IGSF11: variants seen among roughly 807,000 people sequenced by gnomAD.
IGSF11 encodes CXADR like 1.
In IGSF11, 22 loss-of-function variants were observed where a neutral mutation model predicts 41.0. That is an observed-to-expected ratio of 0.54 (90% confidence interval 0.38 to 0.77). IGSF11 has a LOEUF of 0.77. IGSF11 is among the 30% of genes least tolerant of loss of function. IGSF11 has a pLI of 0.00. For synonymous variants in IGSF11, 219 were observed against 201.3 expected, an observed-to-expected ratio of 1.09 and a Z score of -0.74; for missense variants, 444 against 530.8, an observed-to-expected ratio of 0.84 and a Z score of 1.61.
At chr3:119,004,703 C>A (rs936332717) in intron 1 of IGSF11, among the ~76,000 whole-genome samples, 1 of 147,956 alleles carries the variant, frequency 6.8e-6, no homozygotes, top group Non-Finnish European at 1.5e-5. Flanking sequence ...TTTATTTCTG[C>A]CTTCATTTCG....
At chr3:119,106,244 G>A (rs9833418), upstream of IGSF11, among the ~76,000 whole-genome samples, 148,912 of 152,300 alleles carry the variant, frequency 0.98, 72,889 homozygotes, top group East Asian at 1. Flanking sequence ...TTTTAAGGAT[G>A]CAATTAAATT....
intron 1 of IGSF11, among the ~76,000 whole-genome samples, chr3:119,130,521 C>T (rs1414962212): frequency 6.6e-6 from 1 of 152,204 alleles, no homozygotes; most frequent in Non-Finnish European, 1.5e-5. Context: ...ATCCACATTA[C>T]TGAGGCTTGA....
At chr3:119,141,384 C>G (rs2077646128) in intron 1 of IGSF11, among the ~76,000 whole-genome samples, 1 of 150,556 alleles carries the variant, frequency 6.6e-6, no homozygotes, top group Admixed American at 6.6e-5. Context: ...AAACTATACC[C>G]ACACCAAGCA....
chr3:119,138,554 A>G (rs2077595271), intron 1 of IGSF11, among the ~76,000 whole-genome samples: 1 of 152,144 alleles, frequency 6.6e-6, no homozygotes, highest in South Asian at 2.1e-4. Context: ...GCATGGTGGC[A>G]CATGCCTGTA....
intron 1 of IGSF11, among the ~76,000 whole-genome samples, chr3:119,048,556 T>G (rs1042507221): frequency 2.0e-5 from 3 of 152,146 alleles, no homozygotes; most frequent in Non-Finnish European, 4.4e-5. Flanking sequence ...ACAGCCTAAT[T>G]CTACCAGAGG....
intron 4 of IGSF11, among the ~76,000 whole-genome samples, chr3:118,922,756 A>G (rs949690573): frequency 1.3e-5 from 2 of 152,100 alleles, no homozygotes; most frequent in Admixed American, 6.6e-5. Flanking sequence ...TGGGAGCTCC[A>G]AGATTAAGAC....
chr3:119,064,530 T>G (rs1216291434), intron 1 of IGSF11, among the ~76,000 whole-genome samples: 1 of 150,038 alleles, frequency 6.7e-6, no homozygotes, highest in Non-Finnish European at 1.5e-5. Flanking sequence ...TTTTTTTTTT[T>G]TTTCCATGTG....
At chr3:119,142,229 C>T (rs1192700756) in intron 1 of IGSF11, among the ~76,000 whole-genome samples, 2 of 143,398 alleles carry the variant, frequency 1.4e-5, no homozygotes, top group African/African-American at 2.6e-5. Context: ...GAGCCGAGAT[C>T]GCGCCACTGC....
Position 118,904,511 on chromosome 3 carries a change from A to G in IGSF11, c.854+137T>C, listed in dbSNP as rs547404310. 11 of 677,090 alleles carry G rather than the reference A, an allele frequency of 1.6e-5. No homozygotes were observed. In the East Asian group the frequency reaches 2.6e-4, roughly 16 times the overall value. 41.9% of individuals were successfully genotyped at this position (677,090 alleles called of 1,614,324 possible). A position where few individuals can be genotyped will look rare whatever the true frequency, so the allele number is the denominator to read the frequency against. ...AGTACCATGAAGAAAAGTGATATACAAGAAAATACCATTTAGCCACTTTAA... is the reference window on the plus strand; with the variant it reads ...AGTACCATGAAGAAAAGTGATATACGAGAAAATACCATTTAGCCACTTTAA... On this transcript the variant is annotated intron_variant, in intron 6 of 6. Coordinates refer to ENST00000393775, the MANE Select transcript of IGSF11 (RefSeq NM_001015887.3).
At position 118,952,675 on chromosome 3, in the gene IGSF11, A is replaced by C. The variant is rs138847142; in HGVS notation, c.53-22400T>G. Among the ~76,000 whole-genome samples the C allele has an allele frequency of 1.1e-4, 17 of 152,234 alleles. No individual in the cohort carries two copies. In the East Asian group the frequency reaches 2.9e-3, roughly 26 times the overall value. ...GAGCATTTGTCAAACTAGGGTATAA[A>C]TATTACTGGAATTTCCCATGATTTT... On this transcript the variant is annotated intron_variant, in intron 1 of 6. Coordinates refer to ENST00000393775, the MANE Select transcript of IGSF11 (RefSeq NM_001015887.3).
chr3:119,114,640 T>C (rs1277574139), intron 1 of IGSF11, among the ~76,000 whole-genome samples: 1 of 152,220 alleles, frequency 6.6e-6, no homozygotes, highest in Non-Finnish European at 1.5e-5. Context: ...GTTTAACAAG[T>C]CTCTAGGAAG....
chr3:119,001,396 G>A lies in IGSF11; in HGVS notation c.52+33135C>T, dbSNP rs370246147. ...ACTTCCTGAGCCCAGAACAGAACCTGGCACGCAGTGGTAACTCAAAAGATA... is the reference window on the plus strand; with the variant it reads ...ACTTCCTGAGCCCAGAACAGAACCTAGCACGCAGTGGTAACTCAAAAGATA... On this transcript the variant is annotated intron_variant, in intron 1 of 6. Transcript: ENST00000393775. 4.0e-5 allele frequency among the ~76,000 whole-genome samples: 6 copies of A among 151,178 alleles called. No homozygotes were observed. The East Asian group carries it at 9.6e-4, about 24-fold the overall frequency.
upstream of IGSF11, among the ~76,000 whole-genome samples, chr3:119,107,136 T>A (rs567313699): frequency 9.2e-4 from 140 of 151,950 alleles, 2 homozygotes; most frequent in African/African-American, 2.4e-3. Flanking sequence ...TAGTATTTCT[T>A]GTTCTAGATC....
At chr3:118,922,042 T>C (rs1941853748) in intron 4 of IGSF11, among the ~76,000 whole-genome samples, 1 of 151,570 alleles carries the variant, frequency 6.6e-6, no homozygotes, top group Non-Finnish European at 1.5e-5. Context: ...AAAAAACCCA[T>C]AGGCCATTCT....
At chr3:119,021,667 C>T (rs1176562307) in intron 1 of IGSF11, among the ~76,000 whole-genome samples, 1 of 152,074 alleles carries the variant, frequency 6.6e-6, no homozygotes, top group Non-Finnish European at 1.5e-5. Context: ...ACTCTCATTG[C>T]ACACAAGACA....
chr3:119,143,796 G>T (rs2077680707), intron 1 of IGSF11, among the ~76,000 whole-genome samples: 1 of 152,142 alleles, frequency 6.6e-6, no homozygotes, highest in Non-Finnish European at 1.5e-5. Flanking sequence ...ATAACCAAAA[G>T]AGAGCTGGAG....
chr3:119,082,632 G>C (rs1265485988), intron 1 of IGSF11, among the ~76,000 whole-genome samples: 2 of 152,124 alleles, frequency 1.3e-5, no homozygotes, highest in African/African-American at 2.4e-5. Context: ...ATTTCATAAA[G>C]TTCAATAGCA....
At chr3:118,944,886 G>A (rs1943997694) in intron 1 of IGSF11, 1 of 152,134 alleles carries the variant, frequency 6.6e-6, no homozygotes, top group Admixed American at 6.5e-5. Flanking sequence ...ACCCAGAGAT[G>A]GAACTGGGAT....
chr3:118,956,899 T>C (rs980698645), intron 1 of IGSF11, among the ~76,000 whole-genome samples: 2 of 152,150 alleles, frequency 1.3e-5, no homozygotes, highest in African/African-American at 4.8e-5. Flanking sequence ...ATGTAATATC[T>C]GTGAAGCATA....
Sources: allele counts gnomAD v4.1 joint callset (sites outside exome capture counted in the v4.1 genomes callset), GRCh38; gene constraint gnomAD v4.1.1; transcripts MANE v1.5; gene names NCBI Gene and HGNC (gene_info 2026-07-23, HGNC 2026-07-21).